The following SNX29 variants were observed in gnomAD, a reference collection of about 807,000 sequenced individuals.
SNX29 encodes sorting nexin-29.
In SNX29, 78 loss-of-function variants were observed where a neutral mutation model predicts 102.1. The observed-to-expected ratio is 0.76, with a 90% confidence interval of 0.64 to 0.92. The LOEUF is 0.92. Ranked by LOEUF, SNX29 falls within the 40% of genes least tolerant of loss-of-function variation. The probability of loss-of-function intolerance (pLI) is 0.00; values close to 1 mark genes in which losing one functional copy is unlikely to be tolerated. For missense variants in SNX29, 1,280 were observed against 1,061.7 expected, an observed-to-expected ratio of 1.21 and a Z score of -2.86; for synonymous variants, 580 against 414.5, an observed-to-expected ratio of 1.40 and a Z score of -4.85.
chr16:12,345,443 G>T (rs567048974), intron 15 of SNX29, among the ~76,000 whole-genome samples: 116 of 152,302 alleles, frequency 7.6e-4, no homozygotes, highest in Non-Finnish European at 1.1e-3. Flanking sequence ...TGGCTCTGGG[G>T]GGACCAGTGG....
chr16:12,241,176 T>G (rs1169489511), intron 14 of SNX29, among the ~76,000 whole-genome samples: 1 of 152,230 alleles, frequency 6.6e-6, no homozygotes, highest in East Asian at 1.9e-4. Context: ...TATAATTTTT[T>G]AAGCTGCCTA....
At chr16:12,290,265 T>A (rs1163211180) in intron 15 of SNX29, among the ~76,000 whole-genome samples, 1 of 152,196 alleles carries the variant, frequency 6.6e-6, no homozygotes, top group Non-Finnish European at 1.5e-5. Context: ...TGTTTTCCTT[T>A]CTCAAATGCA....
chr16:12,473,319 C>T (rs2087445580), intron 18 of SNX29, among the ~76,000 whole-genome samples: 2 of 152,172 alleles, frequency 1.3e-5, no homozygotes, highest in Non-Finnish European at 2.9e-5. Context: ...TGGCATTAGA[C>T]TAGCTTCGAT....
chr16:12,413,951 C>G (rs1037163459), intron 18 of SNX29, among the ~76,000 whole-genome samples: 5 of 152,194 alleles, frequency 3.3e-5, no homozygotes, highest in African/African-American at 1.2e-4. Flanking sequence ...TGCTCAAGTC[C>G]CTCATATAAA....
chr16:12,516,107 A>G (rs1316902873), intron 19 of SNX29, among the ~76,000 whole-genome samples: 1 of 152,124 alleles, frequency 6.6e-6, no homozygotes, highest in Non-Finnish European at 1.5e-5. Context: ...GCTCTCGTCT[A>G]ATTGCAAGGC....
At chr16:12,223,682 A>G (rs1056464288) in intron 14 of SNX29, among the ~76,000 whole-genome samples, 6 of 152,326 alleles carry the variant, frequency 3.9e-5, no homozygotes, top group African/African-American at 1.4e-4. Flanking sequence ...AGTCATGTGT[A>G]CTTGACTGAA....
intron 4 of SNX29, among the ~76,000 whole-genome samples, chr16:12,042,483 C>G (rs2049922378): frequency 6.6e-6 from 1 of 152,206 alleles, no homozygotes; most frequent in Non-Finnish European, 1.5e-5. Context: ...TCCTCCCTCT[C>G]TACTCTCTCT....
intron 15 of SNX29, among the ~76,000 whole-genome samples, chr16:12,284,490 A>G (rs2079531641): frequency 6.6e-6 from 1 of 152,176 alleles, no homozygotes; most frequent in African/African-American, 2.4e-5. Flanking sequence ...GTGGGACAGT[A>G]TGTCCAAATG....
In SNX29 at chr16:12,498,445, G is replaced by C. The variant is rs139646594; in HGVS notation, c.2178+20586G>C. Among the ~76,000 whole-genome samples the C allele has an allele frequency of 6.3e-3, 960 of 152,358 alleles. 7 individuals carry two copies. Among genetic ancestry groups the C allele is most frequent in the Non-Finnish European group, 0.011 (734 of 68,034 alleles). On this transcript the variant is annotated intron_variant, in intron 19 of 20. Coordinates refer to ENST00000566228, the MANE Select transcript of SNX29 (RefSeq NM_032167.5). ...TGGGAAGCAGTGTAGGGGATGACCA[G>C]TAGCAGGAGACGCTGGGCTAGTAAA...
At chr16:12,567,619 A>G (rs1268354194) in intron 20 of SNX29, among the ~76,000 whole-genome samples, 1 of 152,050 alleles carries the variant, frequency 6.6e-6, no homozygotes, top group African/African-American at 2.4e-5. Flanking sequence ...AATTACACTC[A>G]GGTATGGTGG....
intron 11 of SNX29, among the ~76,000 whole-genome samples, chr16:12,083,926 G>T (rs1460393585): frequency 1.3e-5 from 2 of 152,196 alleles, no homozygotes; most frequent in Admixed American, 6.5e-5. Context: ...AATCCTCAGT[G>T]CCTGCGGATA....
At chr16:12,507,364 C>A (rs2089424771) in intron 19 of SNX29, among the ~76,000 whole-genome samples, 1 of 152,232 alleles carries the variant, frequency 6.6e-6, no homozygotes, top group East Asian at 1.9e-4. Flanking sequence ...TGTGCTAGCC[C>A]TGTGGTCCCA....
intron 20 of SNX29, among the ~76,000 whole-genome samples, chr16:12,539,463 A>T (rs774993544): frequency 1.3e-5 from 2 of 152,200 alleles, no homozygotes; most frequent in Non-Finnish European, 2.9e-5. Flanking sequence ...GGTTAAATGG[A>T]TATACCACGG....
chr16:11,991,363 G>A (rs982210261), intron 1 of SNX29, among the ~76,000 whole-genome samples: 1 of 152,144 alleles, frequency 6.6e-6, no homozygotes, highest in Non-Finnish European at 1.5e-5. Context: ...AGGCAGGGGT[G>A]GCTGTCACAG....
rs571461808 is a variant in SNX29, at chr16:12,339,178, G to A, written c.1783-16985G>A. 4.6e-5 allele frequency among the ~76,000 whole-genome samples: 7 copies of A among 152,154 alleles called. No individual in the cohort carries two copies. In the South Asian group the frequency reaches 1.2e-3, roughly 27 times the overall value. Reference sequence around the variant, plus strand: ...AGGTCAGGAGTTCAAGACCAGCCTGGCCAACATGGTGAAACCCCGTCTCTA... The same window carrying A: ...AGGTCAGGAGTTCAAGACCAGCCTGACCAACATGGTGAAACCCCGTCTCTA... On this transcript the variant is annotated intron_variant, in intron 15 of 20. Coordinates refer to ENST00000566228, the MANE Select transcript of SNX29 (RefSeq NM_032167.5).
chr16:12,550,000 T>A (rs1482620492), intron 20 of SNX29, among the ~76,000 whole-genome samples: 1 of 152,232 alleles, frequency 6.6e-6, no homozygotes, highest in South Asian at 2.1e-4. Flanking sequence ...AGCTTCTTAT[T>A]ATAAGGGCAA....
chr16:12,168,363 T>G (rs2076065531), intron 13 of SNX29, among the ~76,000 whole-genome samples: 1 of 152,256 alleles, frequency 6.6e-6, no homozygotes, highest in African/African-American at 2.4e-5. Flanking sequence ...CCCCTTTGCA[T>G]GTGAGGAAAC....
At chr16:12,141,422 A>C (rs2054865110) in intron 13 of SNX29, among the ~76,000 whole-genome samples, 1 of 152,226 alleles carries the variant, frequency 6.6e-6, no homozygotes, top group Non-Finnish European at 1.5e-5. Flanking sequence ...TGCAAGAAAG[A>C]ATTCAGGGCA....
chr16:12,265,826 A>G (rs1596684284), intron 14 of SNX29, among the ~76,000 whole-genome samples: 2 of 152,028 alleles, frequency 1.3e-5, no homozygotes, highest in East Asian at 3.9e-4. Flanking sequence ...GGAGGTCGAG[A>G]CTGCAGTAAG....
Sources: allele counts gnomAD v4.1 joint callset (sites outside exome capture counted in the v4.1 genomes callset), GRCh38; gene constraint gnomAD v4.1.1; transcripts MANE v1.5; gene names NCBI Gene and HGNC (gene_info 2026-07-23, HGNC 2026-07-21).